The following NUCB2 variants were observed in gnomAD, a reference collection of about 807,000 sequenced individuals.
NUCB2 encodes the protein nucleobindin-2.
In NUCB2, 48 loss-of-function variants were observed where a neutral mutation model predicts 57.9. The observed-to-expected ratio is 0.83, with a 90% CI of 0.66 to 1.05. The LOEUF (loss-of-function observed/expected upper bound fraction) is 1.05, where lower values mean the gene tolerates loss of function less well. NUCB2 is among the 50% of genes least tolerant of loss of function. The pLI, the probability that NUCB2 is intolerant of heterozygous loss-of-function variation, is 0.00. For synonymous variants in NUCB2, 139 were observed against 152.1 expected (o/e 0.91, Z 0.64); for missense variants, 442 against 476.2 (o/e 0.93, Z 0.67).
chr11:17,298,913 G>A (rs1946268582), intron 4 of NUCB2, among the ~76,000 whole-genome samples: 1 of 152,126 alleles, frequency 6.6e-6, no homozygotes, highest in African/African-American at 2.4e-5. Context: ...TGTCCAGGCT[G>A]GTCTCAAACT....
intron 2 of NUCB2, among the ~76,000 whole-genome samples, chr11:17,343,535 G>C (rs1044101402): frequency 6.6e-6 from 1 of 151,970 alleles, no homozygotes; most frequent in Non-Finnish European, 1.5e-5. Flanking sequence ...CATGTTGTTT[G>C]GCCTATTTTG....
intron 2 of NUCB2, chr11:17,291,419 A>ACG: frequency 6.4e-6 from 1 of 156,164 alleles, no homozygotes; most frequent in Non-Finnish European, 1.4e-5. Flanking sequence ...GGTGGCCTAC[A>ACG]CCTGTAATCC....
intron 5 of NUCB2, among the ~76,000 whole-genome samples, chr11:17,304,888 A>C (rs2138723223): frequency 6.6e-6 from 1 of 152,366 alleles, no homozygotes; most frequent in South Asian, 2.1e-4. Context: ...AGACACAATA[A>C]CTTTTTGATA....
At chr11:17,293,998 C>T (rs1348664396) in intron 2 of NUCB2, among the ~76,000 whole-genome samples, 1 of 152,108 alleles carries the variant, frequency 6.6e-6, no homozygotes, top group Non-Finnish European at 1.5e-5. Flanking sequence ...TGTGAATATT[C>T]TAGAAAACAC....
At position 17,343,941 on chromosome 11, in the gene NUCB2, A is replaced by G. The variant is rs1041139945; in HGVS notation, n.2627-5404A>G. Among the ~76,000 whole-genome samples, 9 of 152,196 alleles carry G rather than the reference A, an allele frequency of 5.9e-5. 1 individual carries two copies. The South Asian group carries it at 1.7e-3, about 28-fold the overall frequency. On this transcript the variant is annotated intron_variant and non_coding_transcript_variant, in intron 2 of 2. Transcript: ENST00000532240. ...CCCTTTGATGTTCATAGTATGTTTC[A>G]TTGAGGTTCAAGGTTGATTTTTTGG...
chr11:17,293,604 G>C (rs1216079001), intron 2 of NUCB2, among the ~76,000 whole-genome samples: 1 of 152,128 alleles, frequency 6.6e-6, no homozygotes, highest in Non-Finnish European at 1.5e-5. Flanking sequence ...AATGTTTACT[G>C]AAGTATTATT....
intron 4 of NUCB2, among the ~76,000 whole-genome samples, chr11:17,296,981 A>G (rs183264971): frequency 6.6e-6 from 1 of 152,318 alleles, no homozygotes; most frequent in East Asian, 1.9e-4. Flanking sequence ...CTCTGTCCTG[A>G]GAACCCTATT....
At chr11:17,311,608 A>G (rs932461522) in intron 8 of NUCB2, among the ~76,000 whole-genome samples, 1 of 152,194 alleles carries the variant, frequency 6.6e-6, no homozygotes, top group Non-Finnish European at 1.5e-5. Flanking sequence ...TTCTACTCTC[A>G]TAGAATATTG....
At chr11:17,335,202 A>T (rs2139540038), downstream of NUCB2, among the ~76,000 whole-genome samples, 1 of 151,674 alleles carries the variant, frequency 6.6e-6, no homozygotes, top group South Asian at 2.1e-4. Context: ...AATATGGAAA[A>T]ATGGTTTGGA....
intron 2 of NUCB2, among the ~76,000 whole-genome samples, chr11:17,292,014 GCTTTT>G (rs948068678): frequency 6.6e-6 from 1 of 151,906 alleles, no homozygotes. Flanking sequence ...AATACAAGCA[GCTTTT>G]CTTTTTTTTT....
intron 10 of NUCB2, among the ~76,000 whole-genome samples, chr11:17,312,929 A>T (rs777715339): frequency 6.7e-6 from 1 of 149,038 alleles, no homozygotes; most frequent in Non-Finnish European, 1.5e-5. Context: ...CTGGTCTTAA[A>T]CTCCTGACCT....
chr11:17,295,370 C>T lies in NUCB2; in HGVS notation c.47C>T (p.Thr16Ile), dbSNP rs377351189. The change falls in exon 3 of 14, where the codon ACA becomes ATA. Residue 16 changes from threonine (T) to isoleucine (I), a missense_variant. Physicochemically the swap from Thr to Ile is moderately conservative, Grantham distance 89. Transcript: ENST00000529010. ...CTACAGTATTGCTTTCTCTTGATTA[C>T]ATGTTTACTTACTGCTCTTGAAGCT... ...ILLQYCFLLI[T>I]CLLTALEAVP... is the part of the protein sequence containing the mutation. The T allele has an allele frequency of 1.9e-6, 3 of 1,612,274 alleles. No individual in the cohort carries two copies. Among genetic ancestry groups the T allele is most frequent in the African/African-American group, 2.7e-5 (2 of 74,884 alleles).
intron 2 of NUCB2, among the ~76,000 whole-genome samples, chr11:17,290,897 C>A (rs1477544791): frequency 1.3e-5 from 2 of 151,948 alleles, no homozygotes; most frequent in Non-Finnish European, 2.9e-5. Context: ...TATTTTTACT[C>A]CTTTTAAAAA....
rs146050778 is a variant in NUCB2, at chr11:17,294,823, G to A, written c.1-501G>A. On this transcript the variant is annotated intron_variant, in intron 2 of 13. Coordinates refer to ENST00000529010, the MANE Select transcript of NUCB2 (RefSeq NM_005013.4). Reference sequence around the variant, plus strand: ...TGCACTTTGGGAGGCCAAGGCGGGCGGATCACCTGAGGTCAGGAGTTCGAG... The same window carrying A: ...TGCACTTTGGGAGGCCAAGGCGGGCAGATCACCTGAGGTCAGGAGTTCGAG... 1.8e-3 allele frequency among the ~76,000 whole-genome samples: 267 copies of A among 152,188 alleles called. 6 individuals are homozygous for A. The East Asian group carries it at 0.043, about 25-fold the overall frequency.
intron 4 of NUCB2, 28 bp from the exon 5 acceptor site, chr11:17,301,716 A>G (rs751141683): frequency 2.5e-6 from 4 of 1,579,912 alleles, no homozygotes; most frequent in Non-Finnish European, 2.6e-6. Flanking sequence ...TGTAATAGAT[A>G]AAACTAACTT....
chr11:17,304,375 G>A (rs1947281177), intron 5 of NUCB2, among the ~76,000 whole-genome samples: 2 of 151,916 alleles, frequency 1.3e-5, no homozygotes. Flanking sequence ...TTAATTTTCA[G>A]TGGAGACAGT....
intron 2 of NUCB2, among the ~76,000 whole-genome samples, chr11:17,349,022 C>T (rs1303448972): frequency 1.3e-5 from 2 of 152,140 alleles, no homozygotes; most frequent in Non-Finnish European, 2.9e-5. Flanking sequence ...TCAGGTGATC[C>T]ACCCGCCTCG....
chr11:17,330,756 A>G lies in NUCB2; in HGVS notation c.1174-146A>G. 3.0e-6 allele frequency: 2 copies of G among 659,680 alleles called. No individual in the cohort carries two copies. Among genetic ancestry groups the G allele is most frequent in the East Asian group, 5.6e-5 (2 of 35,420 alleles). The allele number at this position is 659,680 out of a possible 1,614,324, so 40.9% of individuals were successfully genotyped here. The stretch of plus-strand genomic sequence containing the variant: ...ATTGTTGGGACTATAGGCGTGAGCC[A>G]CTGCACCTAGTCAAATCTAAATCTT... On this transcript the variant is annotated intron_variant, in intron 12 of 13. Transcript: ENST00000529010. The surrounding 1 kb of genome is among the most constrained non-coding windows in gnomAD (Gnocchi z 4.3).
chr11:17,288,957 A>T lies in NUCB2; in HGVS notation c.-1+6014A>T, dbSNP rs1396044058. The stretch of plus-strand genomic sequence containing the variant: ...CACACACACACACACACACATATAT[A>T]TATATATTTTTTTTTTTTGAGATGG... On this transcript the variant is annotated intron_variant, in intron 2 of 13. Coordinates refer to ENST00000529010, the MANE Select transcript of NUCB2 (RefSeq NM_005013.4). 3.2e-4 allele frequency among the ~76,000 whole-genome samples: 26 copies of T among 80,358 alleles called. 1 individual carries two copies. The highest frequency in any genetic ancestry group is 1.2e-3 in the African/African-American group (15 of 12,876). The allele number at this position is 80,358 out of a possible 152,430, so 52.7% of individuals were successfully genotyped here.
Sources: gnomAD v4.1 joint callset for allele counts (sites outside exome capture counted in the v4.1 genomes callset) on GRCh38, gnomAD v4.1.1 for gene constraint, Gnocchi (gnomAD v3.1) non-coding constraint, MANE v1.5 for transcripts, NCBI Gene and HGNC (gene_info 2026-07-23, HGNC 2026-07-21) for gene names.